WWOX: variants seen among roughly 807,000 people sequenced by gnomAD.
WWOX encodes the protein WW domain-containing oxidoreductase.
Under a neutral mutation model 46.2 loss-of-function variants are expected in WWOX, and 69 were observed. The observed-to-expected ratio is 1.49, with a 90% CI of 1.23 to 1.82. WWOX has a LOEUF of 1.82. WWOX is among the 40% of genes most tolerant of loss of function. WWOX has a pLI of 0.00. For synonymous variants in WWOX, 359 were observed against 202.6 expected (o/e 1.77, Z -6.56); for missense variants, 919 against 542.6 (o/e 1.69, Z -6.89).
intron 8 of WWOX, among the ~76,000 whole-genome samples, chr16:78,449,809 G>A (rs1441087186): frequency 6.6e-6 from 1 of 152,064 alleles, no homozygotes; most frequent in Non-Finnish European, 1.5e-5. Context: ...AGGGGCCCTT[G>A]TTAATCGATG....
intron 8 of WWOX, among the ~76,000 whole-genome samples, chr16:79,117,313 A>G (rs2049536548): frequency 6.6e-6 from 1 of 152,172 alleles, no homozygotes; most frequent in South Asian, 2.1e-4. Context: ...TGGACCAAGC[A>G]GAATATTTTT....
intron 8 of WWOX, among the ~76,000 whole-genome samples, chr16:78,822,598 C>G (rs1197839540): frequency 6.6e-6 from 1 of 152,154 alleles, no homozygotes; most frequent in African/African-American, 2.4e-5. Flanking sequence ...TCTTCAGAGC[C>G]TAGATATTCA....
At chr16:78,607,644 CTTTTTTT>C (rs4035989) in intron 8 of WWOX, among the ~76,000 whole-genome samples, 1 of 141,564 alleles carries the variant, frequency 7.1e-6, no homozygotes, top group Non-Finnish European at 1.5e-5. Flanking sequence ...ATTTGTTCTT[CTTTTTTT>C]TTTTTTTGGC....
chr16:78,748,612 A>G (rs562115823), intron 8 of WWOX, among the ~76,000 whole-genome samples: 1 of 152,330 alleles, frequency 6.6e-6, no homozygotes, highest in East Asian at 1.9e-4. Context: ...ACTGGTTAGC[A>G]GATGGCAGCT....
At chr16:78,816,874 C>G (rs1292376983) in intron 8 of WWOX, among the ~76,000 whole-genome samples, 1 of 152,064 alleles carries the variant, frequency 6.6e-6, no homozygotes. Context: ...TTTTCATCAC[C>G]TGGTTACAAA....
intron 5 of WWOX, among the ~76,000 whole-genome samples, chr16:78,197,134 C>A (rs908215481): frequency 1.3e-5 from 2 of 152,180 alleles, no homozygotes; most frequent in Non-Finnish European, 2.9e-5. Context: ...TACCTCTGCG[C>A]CATCTGTGAT....
chr16:79,059,334 C>G (rs2048319451), intron 8 of WWOX, among the ~76,000 whole-genome samples: 1 of 152,172 alleles, frequency 6.6e-6, no homozygotes, highest in South Asian at 2.1e-4. Context: ...AGCACATTAA[C>G]TATATCGTCA....
chr16:78,327,551 C>T (rs1323739283), intron 5 of WWOX, among the ~76,000 whole-genome samples: 1 of 152,162 alleles, frequency 6.6e-6, no homozygotes, highest in African/African-American at 2.4e-5. Flanking sequence ...AGCCCATCTC[C>T]TCCAATCATT....
intron 8 of WWOX, among the ~76,000 whole-genome samples, chr16:79,184,247 A>G (rs142575973): frequency 1.4e-4 from 21 of 152,288 alleles, no homozygotes; most frequent in African/African-American, 5.1e-4. Flanking sequence ...AGTGTAGACT[A>G]TTAGTTTGTA....
rs537139580 is a variant in WWOX at position 78,631,659 on chromosome 16, C to A, written c.1056+198907C>A. Among the ~76,000 whole-genome samples the A allele has an allele frequency of 2.0e-5, 3 of 151,848 alleles. No individual in the cohort carries two copies. The South Asian group carries it at 6.2e-4, about 32-fold the overall frequency. ...GCTCAAGAGATATTCTTGCCTCAGC[C>A]CTCCAAGTAGGGCTACACGTGTGTG... On this transcript the variant is annotated intron_variant, in intron 8 of 8. Transcript: ENST00000566780.
intron 4 of WWOX, among the ~76,000 whole-genome samples, chr16:78,132,571 C>A (rs2033641209): frequency 6.6e-6 from 1 of 152,142 alleles, no homozygotes; most frequent in Non-Finnish European, 1.5e-5. Context: ...ATCTTGATGT[C>A]CAGTCCATGC....
At position 78,127,350 on chromosome 16, in the gene WWOX, G is replaced by A. The variant is rs142270699; in HGVS notation, c.409+12196G>A. On this transcript the variant is annotated intron_variant, in intron 4 of 8. Transcript: ENST00000566780. The stretch of plus-strand genomic sequence containing the variant: ...AGTTTGGTATTTTCCTAGCTTCCTG[G>A]TTCCCAGATCCTCAAGAGGCTGCCA... 1.0e-3 allele frequency among the ~76,000 whole-genome samples: 159 copies of A among 152,136 alleles called. 1 individual carries two copies. The highest frequency in any genetic ancestry group is 3.7e-3 in the African/African-American group (154 of 41,498).
chr16:78,622,416 C>A (rs949260383), intron 8 of WWOX, among the ~76,000 whole-genome samples: 1 of 152,036 alleles, frequency 6.6e-6, no homozygotes, highest in Non-Finnish European at 1.5e-5. Flanking sequence ...GTAGTGTACA[C>A]CCATAATCCC....
chr16:78,994,114 T>C (rs1298189023), intron 8 of WWOX, among the ~76,000 whole-genome samples: 4 of 152,170 alleles, frequency 2.6e-5, no homozygotes, highest in Non-Finnish European at 5.9e-5. Flanking sequence ...ACGTTACCTG[T>C]CAACATTGGA....
chr16:78,772,254 C>T (rs1232662502), intron 8 of WWOX, among the ~76,000 whole-genome samples: 2 of 152,208 alleles, frequency 1.3e-5, no homozygotes, highest in Admixed American at 6.6e-5. Flanking sequence ...CTTGAGTTTT[C>T]ATCATTTAGC....
At chr16:79,042,829 CAAG>C (rs1276447204) in intron 8 of WWOX, among the ~76,000 whole-genome samples, 4 of 149,804 alleles carry the variant, frequency 2.7e-5, no homozygotes, top group Non-Finnish European at 4.4e-5. Context: ...CAAAACAAAA[CAAG>C]AAACCCAGAA....
At chr16:78,867,134 G>C (rs933897455) in intron 8 of WWOX, among the ~76,000 whole-genome samples, 2 of 152,090 alleles carry the variant, frequency 1.3e-5, no homozygotes, top group South Asian at 2.1e-4. Flanking sequence ...TGATGAGAAG[G>C]GGTGGGTCAA....
At chr16:78,119,894 G>A (rs565429912) in intron 4 of WWOX, among the ~76,000 whole-genome samples, 271 of 152,268 alleles carry the variant, frequency 1.8e-3, no homozygotes, top group African/African-American at 5.9e-3. Flanking sequence ...TTTTTTCAGA[G>A]TTTGGTCCAG....
intron 8 of WWOX, among the ~76,000 whole-genome samples, chr16:78,982,080 G>T (rs893832012): frequency 1.3e-5 from 2 of 152,104 alleles, no homozygotes; most frequent in Non-Finnish European, 2.9e-5. Flanking sequence ...TGGCCCATCT[G>T]AGCCTCACTG....
Sources: allele counts gnomAD v4.1 joint callset (sites outside exome capture counted in the v4.1 genomes callset), GRCh38; gene constraint gnomAD v4.1.1; transcripts MANE v1.5; gene names NCBI Gene and HGNC (gene_info 2026-07-23, HGNC 2026-07-21).